Variants in NYAP2 observed in about 807,000 individuals in gnomAD.
NYAP2 encodes neuronal tyrosine-phosphorylated phosphoinositide-3-kinase adaptor 2, also known as neuronal tyrosine-phosphorylated phosphoinositide-3-kinase adapter 2.
In NYAP2, 23 loss-of-function variants were observed where a neutral mutation model predicts 50.4. The observed-to-expected ratio is 0.46, with a 90% CI of 0.33 to 0.65. NYAP2 has a LOEUF of 0.65. Among genes scored for constraint, NYAP2 ranks in the 30% least tolerant of loss-of-function variants. The pLI, the probability that NYAP2 is intolerant of heterozygous loss-of-function variation, is 0.02. For missense variants in NYAP2, 885 were observed against 861.0 expected (o/e 1.03, Z -0.35); for synonymous variants, 394 against 365.2 (o/e 1.08, Z -0.90).
chr2:225,694,061 C>A, the NYAP2 span, among the ~76,000 whole-genome samples: 3 of 152,034 alleles, frequency 2.0e-5, no homozygotes, highest in Non-Finnish European at 4.4e-5. Flanking sequence ...ATGAATTGAA[C>A]AACTGTCCTA....
intron 4 of NYAP2, among the ~76,000 whole-genome samples, chr2:225,521,047 A>T (rs1340849981): frequency 0.025 from 3,579 of 142,548 alleles, 227 homozygotes; most frequent in African/African-American, 0.096. Context: ...TGTGAATGGG[A>T]GTTCACTCAT....
intron 3 of NYAP2, among the ~76,000 whole-genome samples, chr2:225,432,455 T>A (rs1375419842): frequency 6.7e-6 from 1 of 149,832 alleles, no homozygotes; most frequent in East Asian, 1.9e-4. Context: ...TGTGTGTATA[T>A]CTATTATATA....
intron 4 of NYAP2, among the ~76,000 whole-genome samples, chr2:225,571,429 C>T (rs1455165400): frequency 6.6e-6 from 1 of 152,236 alleles, no homozygotes; most frequent in Non-Finnish European, 1.5e-5. Flanking sequence ...CAAGCATTTC[C>T]ATACATCCTT....
intron 3 of NYAP2, among the ~76,000 whole-genome samples, chr2:225,458,051 G>A (rs1327154405): frequency 5.3e-5 from 8 of 150,786 alleles, no homozygotes; most frequent in Admixed American, 1.3e-4. Flanking sequence ...AATTTCCACC[G>A]ATACTTAAGA....
At chr2:225,492,301 C>G (rs182608788) in intron 3 of NYAP2, among the ~76,000 whole-genome samples, 162 of 152,226 alleles carry the variant, frequency 1.1e-3, no homozygotes, top group African/African-American at 3.8e-3. Context: ...TGGAATATAT[C>G]TTTTTTCTTT....
intron 5 of NYAP2, among the ~76,000 whole-genome samples, chr2:225,622,579 C>CT (rs1559232990): frequency 5.6e-5 from 4 of 71,594 alleles, no homozygotes; most frequent in East Asian, 3.5e-4. Flanking sequence ...TTCTTTCTTT[C>CT]TTCTTTCTTT....
chr2:225,634,836 T>A (rs1693383875), intron 6 of NYAP2, among the ~76,000 whole-genome samples: 1 of 152,090 alleles, frequency 6.6e-6, no homozygotes, highest in Admixed American at 6.6e-5. Flanking sequence ...CCTTGAGAGG[T>A]TATTCAAAGG....
intron 4 of NYAP2, among the ~76,000 whole-genome samples, chr2:225,522,648 G>A (rs975938129): frequency 5.3e-5 from 8 of 152,128 alleles, no homozygotes; most frequent in Non-Finnish European, 2.9e-5. Context: ...CTACCCTGTT[G>A]TACTGGGATC....
At chr2:225,429,254 C>A (rs1559177273) in intron 3 of NYAP2, among the ~76,000 whole-genome samples, 1 of 152,108 alleles carries the variant, frequency 6.6e-6, no homozygotes, top group Non-Finnish European at 1.5e-5. Flanking sequence ...ATCTGGCAGA[C>A]CACAAAAGAA....
At chr2:225,535,801 T>C (rs1426721897) in intron 4 of NYAP2, among the ~76,000 whole-genome samples, 1 of 152,172 alleles carries the variant, frequency 6.6e-6, no homozygotes, top group African/African-American at 2.4e-5. Context: ...TGGTAAATAG[T>C]GAGAAAAGTG....
At chr2:225,441,552 G>T (rs1689470727) in intron 3 of NYAP2, among the ~76,000 whole-genome samples, 2 of 152,148 alleles carry the variant, frequency 1.3e-5, no homozygotes, top group South Asian at 4.1e-4. Flanking sequence ...GGCTGGGGAG[G>T]CCTCAGGAAA....
At chr2:225,475,852 T>C (rs1690095499) in intron 3 of NYAP2, among the ~76,000 whole-genome samples, 2 of 152,212 alleles carry the variant, frequency 1.3e-5, no homozygotes, top group Non-Finnish European at 1.5e-5. Context: ...GAATATTCTC[T>C]GGCAGTAGTG....
At chr2:225,637,124 T>C (rs944489445) in intron 6 of NYAP2, among the ~76,000 whole-genome samples, 1 of 152,202 alleles carries the variant, frequency 6.6e-6, no homozygotes, top group Non-Finnish European at 1.5e-5. Context: ...AAGTAGAGTA[T>C]GCTCATTGAC....
chr2:225,622,922 A>T (rs902636036), intron 5 of NYAP2, among the ~76,000 whole-genome samples: 1 of 152,112 alleles, frequency 6.6e-6, no homozygotes, highest in South Asian at 2.1e-4. Context: ...ATTTTATTCT[A>T]ACATTCTTTT....
chr2:225,499,923 A>G (rs1181997587), intron 3 of NYAP2, among the ~76,000 whole-genome samples: 1 of 152,218 alleles, frequency 6.6e-6, no homozygotes, highest in Non-Finnish European at 1.5e-5. Context: ...GGAGCTCACG[A>G]TGTTTGAGCT....
At chr2:225,544,563 A>AAAAACTTTAC (rs1691536115) in intron 4 of NYAP2, among the ~76,000 whole-genome samples, 1 of 152,126 alleles carries the variant, frequency 6.6e-6, no homozygotes. Context: ...GAAAACTAAT[A>AAAAACTTTAC]AAAACTTTAC....
At chr2:225,492,865 A>G (rs1244928231) in intron 3 of NYAP2, among the ~76,000 whole-genome samples, 1 of 152,196 alleles carries the variant, frequency 6.6e-6, no homozygotes, top group Non-Finnish European at 1.5e-5. Flanking sequence ...AATACCTCCT[A>G]TGAGGCCACA....
intron 5 of NYAP2, among the ~76,000 whole-genome samples, chr2:225,600,316 T>A (rs1053501554): frequency 6.6e-6 from 1 of 152,146 alleles, no homozygotes; most frequent in South Asian, 2.1e-4. Context: ...GCAAAATATC[T>A]CAAGAAATGA....
rs140107865 is a variant in NYAP2 at position 225,404,763 on chromosome 2, T to C, written c.-18+3720T>C. On this transcript the variant is annotated intron_variant, in intron 2 of 6. Transcript: ENST00000636099. ...TGTGTGAAAGTCAACATCTTTAACT[T>C]ATATTAGAATGGTGATGATTCTAGA... Among the ~76,000 whole-genome samples, 364 of 152,150 alleles carry C rather than the reference T, an allele frequency of 2.4e-3. 1 individual carries two copies. The highest frequency in any genetic ancestry group is 8.1e-3 in the African/African-American group (338 of 41,544).
Sources: gnomAD v4.1 joint callset for allele counts (sites outside exome capture counted in the v4.1 genomes callset) on GRCh38, gnomAD v4.1.1 for gene constraint, MANE v1.5 for transcripts, NCBI Gene and HGNC (gene_info 2026-07-23, HGNC 2026-07-21) for gene names.